RIN3: variants seen among roughly 807,000 people sequenced by gnomAD.
RIN3 encodes Ras and Rab interactor 3, also known as RAB5 interacting protein 3.
RIN3 carries 54 observed loss-of-function variants against 76.3 expected under a neutral mutation model. The observed-to-expected ratio is 0.71, with a 90% CI of 0.57 to 0.89. The LOEUF (loss-of-function observed/expected upper bound fraction) is 0.89, where lower values mean the gene tolerates loss of function less well. RIN3 is among the 40% of genes least tolerant of loss of function. The pLI, the probability that RIN3 is intolerant of heterozygous loss-of-function variation, is 0.00. For synonymous variants in RIN3, 576 were observed against 564.0 expected (o/e 1.02, Z -0.30); for missense variants, 1,256 against 1,322.1 (o/e 0.95, Z 0.78).
At chr14:92,589,988 A>T (rs1884923687) in intron 3 of RIN3, among the ~76,000 whole-genome samples, 2 of 152,240 alleles carry the variant, frequency 1.3e-5, no homozygotes, top group South Asian at 4.1e-4. Context: ...AGCTTGCCAG[A>T]GCAGAAACCC....
At chr14:92,624,993 T>C (rs1382681758) in intron 4 of RIN3, among the ~76,000 whole-genome samples, 2 of 152,200 alleles carry the variant, frequency 1.3e-5, no homozygotes, top group African/African-American at 4.8e-5. Flanking sequence ...GGCCGTAGTC[T>C]CCGGGCCGGT....
rs1222415552 is a variant in RIN3, at chr14:92,514,690, A to T, written c.44+714A>T. On this transcript the variant is annotated intron_variant, in intron 1 of 9. Coordinates refer to ENST00000216487, the MANE Select transcript of RIN3 (RefSeq NM_024832.5). The surrounding 1 kb of genome is among the most constrained non-coding windows in gnomAD (Gnocchi z 7.2). ...CTTGGAGAGGAGTCCCCGGTGGCTA[A>T]GTCCCCGCTCCGCCTCCTTGTCGCC... Among the ~76,000 whole-genome samples, 1 of 152,164 alleles carries T rather than the reference A, an allele frequency of 6.6e-6. No individual in the cohort carries two copies. The highest frequency in any genetic ancestry group is 1.5e-5 in the Non-Finnish European group (1 of 68,022).
chr14:92,655,010 C>T (rs913846703), intron 6 of RIN3, among the ~76,000 whole-genome samples: 2 of 151,838 alleles, frequency 1.3e-5, no homozygotes. Context: ...ACTAAAAATA[C>T]AAAAATTAGC....
chr14:92,636,440 C>T lies in RIN3; in HGVS notation c.441-4798C>T, dbSNP rs573093935. 2.6e-5 allele frequency among the ~76,000 whole-genome samples: 4 copies of T among 152,208 alleles called. No homozygotes were observed. In the South Asian group the frequency reaches 8.3e-4, roughly 32 times the overall value. ...CTCTACTAAAAATACAAAAATTAGCCAGGCGTGGTGGCACACGCCTGTAAT... is the reference window on the plus strand; with the variant it reads ...CTCTACTAAAAATACAAAAATTAGCTAGGCGTGGTGGCACACGCCTGTAAT... On this transcript the variant is annotated intron_variant, in intron 4 of 9. Transcript: ENST00000216487.
intron 5 of RIN3, among the ~76,000 whole-genome samples, chr14:92,649,412 G>A (rs1045661858): frequency 2.0e-5 from 3 of 152,072 alleles, no homozygotes; most frequent in Non-Finnish European, 4.4e-5. Context: ...GTAGACATGG[G>A]CACAGTGCTT....
chr14:92,629,482 G>T (rs1276432314), intron 4 of RIN3, among the ~76,000 whole-genome samples: 1 of 152,178 alleles, frequency 6.6e-6, no homozygotes, highest in South Asian at 2.1e-4. Context: ...GGTTACTTGG[G>T]GTACACCCTA....
At chr14:92,627,787 A>G (rs1251775551) in intron 4 of RIN3, among the ~76,000 whole-genome samples, 1 of 152,222 alleles carries the variant, frequency 6.6e-6, no homozygotes, top group African/African-American at 2.4e-5. Flanking sequence ...CCAGAGGAGA[A>G]TGGGAATCCT....
chr14:92,658,928 G>C (rs932672472), intron 6 of RIN3, among the ~76,000 whole-genome samples: 2 of 152,208 alleles, frequency 1.3e-5, no homozygotes, highest in Non-Finnish European at 2.9e-5. Flanking sequence ...AGGATACAAT[G>C]ACCAGTTAGC....
rs139772111 is a variant in RIN3, at chr14:92,659,069, G to C, written c.2027-92G>C. On this transcript the variant is annotated intron_variant, in intron 6 of 9. Transcript: ENST00000216487. The stretch of plus-strand genomic sequence containing the variant: ...TGTGAGTGTCCTTCCAGGGGCCAGG[G>C]GATGGGGATGGCTGTGCTGTTGGGC... The C allele has an allele frequency of 9.2e-5, 112 of 1,216,302 alleles. No homozygotes were observed. The African/African-American group carries it at 1.5e-3, about 16-fold the overall frequency. The allele number at this position is 1,216,302 out of a possible 1,614,324, so 75.3% of individuals were successfully genotyped here.
intron 2 of RIN3, among the ~76,000 whole-genome samples, chr14:92,573,933 C>G (rs938408322): frequency 6.6e-6 from 1 of 152,154 alleles, no homozygotes; most frequent in African/African-American, 2.4e-5. Context: ...TGGCAGGAGC[C>G]GAGGCTTGTC....
chr14:92,655,801 G>A (rs573932547), intron 6 of RIN3, among the ~76,000 whole-genome samples: 1 of 152,242 alleles, frequency 6.6e-6, no homozygotes, highest in African/African-American at 2.4e-5. Context: ...GGATGTGGAC[G>A]AGCATTGGCG....
chr14:92,591,790 CAG>C (rs1884987419), intron 3 of RIN3, among the ~76,000 whole-genome samples: 1 of 151,994 alleles, frequency 6.6e-6, no homozygotes, highest in African/African-American at 2.4e-5. Flanking sequence ...AACAAACAGT[CAG>C]GGGATTTGTT....
Position 92,681,870 on chromosome 14 carries a change from A to G in RIN3, c.2468-3117A>G, listed in dbSNP as rs1888674655. 6.6e-6 allele frequency among the ~76,000 whole-genome samples: 1 copy of G among 151,988 alleles called. No individual in the cohort carries two copies. Among genetic ancestry groups the G allele is most frequent in the African/African-American group, 2.4e-5 (1 of 41,286 alleles). On this transcript the variant is annotated intron_variant, in intron 8 of 9. Transcript: ENST00000216487. This position sits in a 1 kb window ranked among gnomAD's most constrained non-coding sequence, Gnocchi z 4.7. ...TAGCTTTAATTTAGTTTTTTCAAAA[A>G]ATGTCTCTTATTTATTTTTATTTTT... is the stretch of plus-strand genomic sequence containing the variant.
chr14:92,578,923 CT>C (rs1386661949), intron 3 of RIN3, among the ~76,000 whole-genome samples: 3 of 151,504 alleles, frequency 2.0e-5, no homozygotes, highest in African/African-American at 7.3e-5. Context: ...TTCTTTTATT[CT>C]TTTCTTTTCT....
At chr14:92,518,811 G>GTGTGTGTGTGTGTGTGTGTA (rs1426447310) in intron 1 of RIN3, among the ~76,000 whole-genome samples, 1 of 151,532 alleles carries the variant, frequency 6.6e-6, no homozygotes, top group East Asian at 1.9e-4. Flanking sequence ...GTGTGTGTGT[G>GTGTGTGTGTGTGTGTGTGTA]TGTGTGTGTG....
At chr14:92,687,286 G>T (rs1888899663) in intron 9 of RIN3, 1 of 152,366 alleles carries the variant, frequency 6.6e-6, no homozygotes, top group Non-Finnish European at 1.5e-5. Flanking sequence ...GGTGGAGGAC[G>T]GCGGGCGGGC....
intron 4 of RIN3, among the ~76,000 whole-genome samples, chr14:92,631,630 C>T (rs974320634): frequency 3.9e-5 from 6 of 151,930 alleles, no homozygotes; most frequent in Non-Finnish European, 4.4e-5. Context: ...GGGTTGGAGT[C>T]TCACTCTGTC....
chr14:92,660,892 G>C (rs528515607), intron 7 of RIN3, among the ~76,000 whole-genome samples: 5 of 152,330 alleles, frequency 3.3e-5, no homozygotes, highest in African/African-American at 1.2e-4. Flanking sequence ...CCTTCAGCTG[G>C]TGCCCTTGTG....
At chr14:92,556,960 C>T (rs1363532160) in intron 2 of RIN3, among the ~76,000 whole-genome samples, 1 of 152,024 alleles carries the variant, frequency 6.6e-6, no homozygotes, top group Non-Finnish European at 1.5e-5. Context: ...GTGGTACAAC[C>T]ACCACCTCTA....
Sources: allele counts gnomAD v4.1 joint callset (sites outside exome capture counted in the v4.1 genomes callset), GRCh38; gene constraint gnomAD v4.1.1; non-coding constraint Gnocchi (gnomAD v3.1); transcripts MANE v1.5; gene names NCBI Gene and HGNC (gene_info 2026-07-23, HGNC 2026-07-21).